Variants in BAIAP2 observed in about 807,000 individuals in gnomAD.
The protein encoded by BAIAP2 is BAR/IMD domain-containing adapter protein 2.
In BAIAP2, 18 loss-of-function variants were observed where a neutral mutation model predicts 63.0. The observed-to-expected ratio is 0.29, with a 90% CI of 0.20 to 0.42. The LOEUF (loss-of-function observed/expected upper bound fraction) is 0.42, where lower values mean the gene tolerates loss of function less well. Ranked by LOEUF, BAIAP2 falls within the 10% of genes least tolerant of loss-of-function variation. The probability of loss-of-function intolerance (pLI) is 1.00; values close to 1 mark genes in which losing one functional copy is unlikely to be tolerated. For missense variants in BAIAP2, 610 were observed against 734.3 expected (o/e 0.83, Z 1.96); for synonymous variants, 386 against 307.6 (o/e 1.25, Z -2.67).
At chr17:81,072,716 A>G (rs2052916683) in intron 3 of BAIAP2, among the ~76,000 whole-genome samples, 1 of 152,120 alleles carries the variant, frequency 6.6e-6, no homozygotes, top group Non-Finnish European at 1.5e-5. Context: ...GCTGTCTGGC[A>G]GGCTCTGCCT....
At chr17:81,060,513 C>T (rs555392193) in intron 3 of BAIAP2, among the ~76,000 whole-genome samples, 7 of 152,274 alleles carry the variant, frequency 4.6e-5, no homozygotes, top group African/African-American at 9.6e-5. Flanking sequence ...TGCTATAGCC[C>T]GTGTCAGGGC....
At position 81,116,527 on chromosome 17, in the gene BAIAP2, C is replaced by A; in HGVS notation, c.*688C>A. On this transcript the variant is annotated 3_prime_UTR_variant, in exon 14 of 14. Transcript: ENST00000428708. The stretch of plus-strand genomic sequence containing the variant: ...CTTGCTGCCAGGGCCTCCCAGCTCG[C>A]TCCTGCGGCCAAAGGCCAGCTGTCA... 1 of 616,012 alleles carries A rather than the reference C, an allele frequency of 1.6e-6. No individual in the cohort carries two copies. The highest frequency in any genetic ancestry group is 2.0e-5 in the South Asian group (1 of 49,722). The allele number at this position is 616,012 out of a possible 1,614,324, so 38.2% of individuals were successfully genotyped here. A position where few individuals can be genotyped will look rare whatever the true frequency, so the allele number is the denominator to read the frequency against.
intron 12 of BAIAP2, 186 bp from the exon 13 acceptor site, chr17:81,108,289 A>G: frequency 1.6e-6 from 1 of 631,382 alleles, no homozygotes; most frequent in Non-Finnish European, 2.8e-6. Flanking sequence ...TCATTACTTT[A>G]CCACTGGGAC....
At chr17:81,110,040 T>C in intron 13 of BAIAP2, 11 of 985,496 alleles carry the variant, frequency 1.1e-5, no homozygotes, top group Non-Finnish European at 1.3e-5. Context: ...CACAGTGGAC[T>C]CAGTGGCTAC....
rs897425717 is a variant in BAIAP2, at chr17:81,116,649, C to T, written c.*810C>T. 8.1e-5 allele frequency: 29 copies of T among 359,844 alleles called. No individual in the cohort carries two copies. The highest frequency in any genetic ancestry group is 1.0e-4 in the Non-Finnish European group (20 of 190,672). 22.3% of individuals were successfully genotyped at this position (359,844 alleles called of 1,614,324 possible). ...AGGACTCCTGGGTGGACCTCCCCCC[C>T]CCACCTCCGCTGACTCCTGCAGGCA... On this transcript the variant is annotated 3_prime_UTR_variant, in exon 14 of 14. Coordinates refer to ENST00000428708, the MANE Select transcript of BAIAP2 (RefSeq NM_001144888.2).
rs781113973 is a variant in BAIAP2, at chr17:81,103,858, TG to T, written c.865-48del. On this transcript the variant is annotated intron_variant, in intron 8 of 13. Transcript: ENST00000428708. ...GGAGGGTTCTCTTTCCCCCTGGTCTTGCCCGGGGTGGGCTCCAGCAACAGCC... is the reference window on the plus strand; with the variant it reads ...GGAGGGTTCTCTTTCCCCCTGGTCTTCCCGGGGTGGGCTCCAGCAACAGCC... 5.4e-5 allele frequency: 86 copies of T among 1,606,404 alleles called. No homozygotes were observed. In the Middle Eastern group the frequency reaches 7.3e-4, roughly 14 times the overall value.
In BAIAP2 at chr17:81,108,378, C is replaced by T. The variant is rs888641052; in HGVS notation, c.1501-97C>T. On this transcript the variant is annotated intron_variant, in intron 12 of 13. Coordinates refer to ENST00000428708, the MANE Select transcript of BAIAP2 (RefSeq NM_001144888.2). ...AAAGGAACACGGTTTGAACCTTGTCCAGGCAGGATCACCATTTGTGGGTGT... is the reference window on the plus strand; with the variant it reads ...AAAGGAACACGGTTTGAACCTTGTCTAGGCAGGATCACCATTTGTGGGTGT... 7 of 1,380,402 alleles carry T rather than the reference C, an allele frequency of 5.1e-6. No individual in the cohort carries two copies. In the African/African-American group the frequency reaches 7.1e-5, roughly 14 times the overall value. The allele number at this position is 1,380,402 out of a possible 1,614,324, so 85.5% of individuals were successfully genotyped here. A position where few individuals can be genotyped will look rare whatever the true frequency, so the allele number is the denominator to read the frequency against.
Position 81,114,139 on chromosome 17 carries a change from T to G in BAIAP2, c.1536-1631T>G, listed in dbSNP as rs1598870868. ...ACCACTCTCCCGCACCTGCCTAATT[T>G]TTTTTTTTTTTTTTTTGTAGAGACG... On this transcript the variant is annotated intron_variant, in intron 13 of 13. Coordinates refer to ENST00000428708, the MANE Select transcript of BAIAP2 (RefSeq NM_001144888.2). Among the ~76,000 whole-genome samples, 5 of 141,692 alleles carry G rather than the reference T, an allele frequency of 3.5e-5. No individual in the cohort carries two copies. In the South Asian group the frequency reaches 8.7e-4, roughly 25 times the overall value. 93.0% of individuals were successfully genotyped at this position (141,692 alleles called of 152,430 possible).
intron 3 of BAIAP2, chr17:81,076,388 C>T (rs1159714376): frequency 6.6e-6 from 1 of 152,234 alleles, no homozygotes; most frequent in Admixed American, 6.5e-5. Context: ...CCCTGATGTT[C>T]TGACCTCCCA....
At chr17:81,069,854 T>C (rs1225741239) in intron 3 of BAIAP2, among the ~76,000 whole-genome samples, 1 of 152,216 alleles carries the variant, frequency 6.6e-6, no homozygotes, top group Non-Finnish European at 1.5e-5. Flanking sequence ...TGCTGTGCCG[T>C]GGGACCTGAA....
At chr17:81,084,683 C>T in intron 3 of BAIAP2, 149 bp from the exon 4 acceptor site, 2 of 722,990 alleles carry the variant, frequency 2.8e-6, no homozygotes, top group Non-Finnish European at 2.5e-6. Context: ...TGTCCCCTCT[C>T]CGCCCTCCCT....
At position 81,091,004 on chromosome 17, in the gene BAIAP2, C is replaced by T. The variant is rs867979163; in HGVS notation, c.489+4424C>T. Among the ~76,000 whole-genome samples the T allele has an allele frequency of 1.1e-4, 17 of 152,200 alleles. 1 individual carries two copies. The Middle Eastern group carries it at 0.017, about 152-fold the overall frequency. On this transcript the variant is annotated intron_variant, in intron 6 of 13. Transcript: ENST00000428708. ...GCTGGGGAACTGGGCTGGCTGGCCC[C>T]GCCTACTCATGTGCAGCCCCGCCCC...
At chr17:81,036,409 A>C (rs2046274682) in intron 1 of BAIAP2, among the ~76,000 whole-genome samples, 1 of 152,218 alleles carries the variant, frequency 6.6e-6, no homozygotes, top group South Asian at 2.1e-4. Flanking sequence ...CCGGCAGAGT[A>C]ACTGTTTCTG....
intron 2 of BAIAP2, among the ~76,000 whole-genome samples, chr17:81,054,623 T>C (rs1237845182): frequency 2.6e-5 from 4 of 152,156 alleles, no homozygotes; most frequent in Non-Finnish European, 5.9e-5. Flanking sequence ...ATGAAGCTGT[T>C]GGTAACTGCA....
intron 1 of BAIAP2, among the ~76,000 whole-genome samples, chr17:81,047,083 C>T (rs1330285002): frequency 6.6e-6 from 1 of 152,244 alleles, no homozygotes; most frequent in African/African-American, 2.4e-5. Flanking sequence ...CTCCCCTCAA[C>T]AGTCAGCCAC....
intron 1 of BAIAP2, 177 bp from the exon 2 acceptor site, chr17:81,053,491 A>T: frequency 1.5e-6 from 1 of 660,314 alleles, no homozygotes; most frequent in Non-Finnish European, 2.6e-6. Context: ...CATTTTCCCA[A>T]GGACATTGAT....
At chr17:81,109,693 A>G (rs2059663285) in intron 13 of BAIAP2, 2 of 985,270 alleles carry the variant, frequency 2.0e-6, no homozygotes, top group Non-Finnish European at 2.4e-6. Context: ...CCAGGTGTAC[A>G]TAGAGCAGCG....
At chr17:81,075,016 T>C (rs112509980) in intron 3 of BAIAP2, among the ~76,000 whole-genome samples, 4 of 152,376 alleles carry the variant, frequency 2.6e-5, no homozygotes, top group African/African-American at 9.6e-5. Context: ...GGCAAAGCCA[T>C]GACTGACAGT....
In BAIAP2 at chr17:81,035,228, T is replaced by C. The variant is rs200255666; in HGVS notation, c.-27T>C. ...CCGCCGCTTGCGTCCCCCGCTCCGG[T>C]CTGTGGTGCAGCCGGGACCCAGGAC... On this transcript the variant is annotated 5_prime_UTR_variant, in exon 1 of 14. Coordinates refer to ENST00000428708, the MANE Select transcript of BAIAP2 (RefSeq NM_001144888.2). The C allele has an allele frequency of 6.8e-4, 1,005 of 1,484,152 alleles. 20 individuals carry two copies. The East Asian group carries it at 0.026, about 38-fold the overall frequency. The allele number at this position is 1,484,152 out of a possible 1,614,324, so 91.9% of individuals were successfully genotyped here.
Sources: gnomAD v4.1 joint callset for allele counts (sites outside exome capture counted in the v4.1 genomes callset) on GRCh38, gnomAD v4.1.1 for gene constraint, MANE v1.5 for transcripts, NCBI Gene and HGNC (gene_info 2026-07-23, HGNC 2026-07-21) for gene names.